Variants in OPRM1 observed in about 807,000 individuals in gnomAD.
OPRM1 encodes the protein opioid receptor mu 1.
OPRM1 carries 27 observed loss-of-function variants against 31.8 expected under a neutral mutation model. The ratio of observed to expected loss-of-function variants is 0.85; its 90% CI spans 0.63 to 1.17. The LOEUF (loss-of-function observed/expected upper bound fraction) is 1.17, where lower values mean the gene tolerates loss of function less well. Ranked by LOEUF, OPRM1 falls within the 50% of genes most tolerant of loss-of-function variation. The pLI is 0.00. For missense variants in OPRM1, 536 were observed against 511.1 expected, an observed-to-expected ratio of 1.05 and a Z score of -0.47; for synonymous variants, 196 against 189.9, an observed-to-expected ratio of 1.03 and a Z score of -0.26.
At chr6:154,056,150 A>T (rs1160659748) in intron 1 of OPRM1, among the ~76,000 whole-genome samples, 1 of 150,170 alleles carries the variant, frequency 6.7e-6, no homozygotes, top group Non-Finnish European at 1.5e-5. Flanking sequence ...TTTGAGACGG[A>T]GTCTTGCTCT....
intron 1 of OPRM1, among the ~76,000 whole-genome samples, chr6:154,054,755 G>T (rs1330850573): frequency 6.6e-6 from 1 of 152,178 alleles, no homozygotes; most frequent in African/African-American, 2.4e-5. Flanking sequence ...TGTAATGAAA[G>T]ACATGTTTAG....
In OPRM1 at chr6:154,043,981, C is replaced by T. The variant is rs1023691196; in HGVS notation, c.290+4147C>T. On this transcript the variant is annotated intron_variant, in intron 1 of 3. Transcript: ENST00000330432. ...TCATTTGCATGACATTACCAATCAACGAGTTTCCTATATTCTTCTCTCTCT... is the reference window on the plus strand; with the variant it reads ...TCATTTGCATGACATTACCAATCAATGAGTTTCCTATATTCTTCTCTCTCT... Among the ~76,000 whole-genome samples the T allele has an allele frequency of 5.3e-5, 8 of 152,106 alleles. No individual in the cohort carries two copies. In the South Asian group the frequency reaches 6.2e-4, roughly 12 times the overall value.
intron 3 of OPRM1, among the ~76,000 whole-genome samples, chr6:154,243,196 A>G (rs984508512): frequency 6.6e-6 from 1 of 152,220 alleles, no homozygotes; most frequent in Non-Finnish European, 1.5e-5. Flanking sequence ...AAAGGTTACC[A>G]GTTAAGGTGA....
chr6:154,148,496 T>C (rs149727816), intron 3 of OPRM1, among the ~76,000 whole-genome samples: 215 of 152,368 alleles, frequency 1.4e-3, no homozygotes, highest in Non-Finnish European at 2.5e-3. Flanking sequence ...ATGTCTTCTC[T>C]GTTCATGAGC....
chr6:154,093,646 T>C, intron 3 of OPRM1: 1 of 1,015,050 alleles, frequency 9.9e-7, no homozygotes, highest in Non-Finnish European at 1.4e-6. Context: ...TATGAAGCAG[T>C]ATCAGTGTAA....
At chr6:154,201,203 C>T (rs1298713280) in intron 3 of OPRM1, among the ~76,000 whole-genome samples, 1 of 152,190 alleles carries the variant, frequency 6.6e-6, no homozygotes, top group Non-Finnish European at 1.5e-5. Context: ...TACCCAGTCT[C>T]TGATAGTTCT....
intron 1 of OPRM1, among the ~76,000 whole-genome samples, chr6:154,062,178 ATAAT>A (rs1351151327): frequency 1.3e-5 from 2 of 152,212 alleles, no homozygotes; most frequent in Admixed American, 6.5e-5. Flanking sequence ...AAGGAAAAAT[ATAAT>A]TAATCATATG....
At chr6:154,112,350 T>G (rs529246601) in intron 3 of OPRM1, among the ~76,000 whole-genome samples, 2 of 152,352 alleles carry the variant, frequency 1.3e-5, no homozygotes, top group African/African-American at 4.8e-5. Context: ...AAACCACTTA[T>G]TACTCACAGC....
chr6:154,205,281 T>A (rs552742189), intron 3 of OPRM1, among the ~76,000 whole-genome samples: 6 of 152,210 alleles, frequency 3.9e-5, no homozygotes, highest in Non-Finnish European at 7.3e-5. Flanking sequence ...CCCTGTATTT[T>A]TTTTTAATAA....
chr6:154,083,082 G>A (rs960910792), intron 1 of OPRM1, among the ~76,000 whole-genome samples: 2 of 152,094 alleles, frequency 1.3e-5, no homozygotes, highest in Admixed American at 1.3e-4. Context: ...CAGGAAATGG[G>A]CACTTCCGGA....
At chr6:154,153,279 A>G (rs58550100) in intron 3 of OPRM1, among the ~76,000 whole-genome samples, 186 of 152,290 alleles carry the variant, frequency 1.2e-3, no homozygotes, top group African/African-American at 4.4e-3. Context: ...AGTCCTAATC[A>G]CTGGAACCTG....
rs561970960 is a variant in OPRM1 at position 154,127,563 on chromosome 6, A to G, written c.*8842A>G. On this transcript the variant is annotated 3_prime_UTR_variant, in exon 4 of 4. Transcript: ENST00000330432. Reference sequence around the variant, plus strand: ...CTAGATTAGGAGGTCCACACCACCAATTGAGATGTACCTGTGCTCATGACT... The same window carrying G: ...CTAGATTAGGAGGTCCACACCACCAGTTGAGATGTACCTGTGCTCATGACT... Among the ~76,000 whole-genome samples, 6 of 152,334 alleles carry G rather than the reference A, an allele frequency of 3.9e-5. No homozygotes were observed. In the South Asian group the frequency reaches 8.3e-4, roughly 21 times the overall value.
chr6:154,013,627 C>T (rs897242998), intron 1 of OPRM1, among the ~76,000 whole-genome samples: 2 of 152,274 alleles, frequency 1.3e-5, no homozygotes, highest in African/African-American at 4.8e-5. Context: ...CATTAGTTTA[C>T]TATTGCCACA....
intron 2 of OPRM1, 78 bp from the exon 3 acceptor site, chr6:154,090,874 A>G: frequency 7.6e-7 from 1 of 1,313,618 alleles, no homozygotes; most frequent in Admixed American, 2.2e-5. Context: ...AAAATGAATG[A>G]GCAAAATGGC....
downstream of OPRM1, among the ~76,000 whole-genome samples, chr6:154,135,512 G>GATATAT (rs1798039007): frequency 6.6e-6 from 1 of 151,974 alleles, no homozygotes; most frequent in South Asian, 2.1e-4. Context: ...TATAGATATA[G>GATATAT]ATATAGATAT....
intron 3 of OPRM1, among the ~76,000 whole-genome samples, chr6:154,167,059 C>T (rs1291762413): frequency 6.6e-6 from 1 of 152,168 alleles, no homozygotes; most frequent in African/African-American, 2.4e-5. Flanking sequence ...GCCTTTGTAG[C>T]CTTGTCCTTT....
upstream of OPRM1, among the ~76,000 whole-genome samples, chr6:154,034,245 T>C (rs554487839): frequency 1.3e-5 from 2 of 152,314 alleles, no homozygotes; most frequent in South Asian, 4.1e-4. Context: ...TCACTATTTT[T>C]ATTTAAAGAA....
chr6:154,192,851 C>T (rs1054835138), intron 3 of OPRM1, among the ~76,000 whole-genome samples: 3 of 151,902 alleles, frequency 2.0e-5, no homozygotes, highest in East Asian at 1.9e-4. Flanking sequence ...CAAGAATGTC[C>T]GTAACTAAAA....
chr6:154,068,545 T>C (rs560898396), intron 1 of OPRM1, among the ~76,000 whole-genome samples: 69 of 152,296 alleles, frequency 4.5e-4, no homozygotes, highest in African/African-American at 1.7e-3. Context: ...TCCCTTCTTT[T>C]TTATGGCTAA....
Sources: allele counts gnomAD v4.1 joint callset (sites outside exome capture counted in the v4.1 genomes callset), GRCh38; gene constraint gnomAD v4.1.1; transcripts MANE v1.5; gene names NCBI Gene and HGNC (gene_info 2026-07-23, HGNC 2026-07-21).